Variants in NLGN1 observed in about 807,000 individuals in gnomAD.
NLGN1 encodes neuroligin 1, also known as neuroligin-1.
A neutral mutation model predicts 65.5 loss-of-function variants in NLGN1; 12 were observed. The observed-to-expected ratio is 0.18, with a 90% confidence interval of 0.12 to 0.30. NLGN1 has a LOEUF of 0.30. Ranked by LOEUF, NLGN1 falls within the 10% of genes least tolerant of loss-of-function variation. NLGN1 has a pLI of 1.00. For synonymous variants in NLGN1, 350 were observed against 359.5 expected, an observed-to-expected ratio of 0.97 and a Z score of 0.30; for missense variants, 750 against 1,007.1, an observed-to-expected ratio of 0.74 and a Z score of 3.46.
chr3:173,507,011 G>T (rs569998168), intron 2 of NLGN1, among the ~76,000 whole-genome samples: 5 of 152,022 alleles, frequency 3.3e-5, no homozygotes, highest in South Asian at 2.1e-4. Flanking sequence ...ATTCTTTTTC[G>T]TCCTTACTCT....
chr3:173,470,654 G>A (rs965879430), intron 2 of NLGN1, among the ~76,000 whole-genome samples: 1 of 152,076 alleles, frequency 6.6e-6, no homozygotes, highest in South Asian at 2.1e-4. Flanking sequence ...TTAAATGAGA[G>A]AACATTTCCA....
At chr3:173,450,860 C>A (rs1721368884) in intron 2 of NLGN1, among the ~76,000 whole-genome samples, 2 of 152,196 alleles carry the variant, frequency 1.3e-5, no homozygotes, top group Admixed American at 1.3e-4. Flanking sequence ...GCGTCGGTTA[C>A]TGAGGCTTGT....
intron 4 of NLGN1, among the ~76,000 whole-genome samples, chr3:173,867,539 A>G (rs1462567006): frequency 6.6e-6 from 1 of 152,158 alleles, no homozygotes; most frequent in East Asian, 1.9e-4. Flanking sequence ...CATAAGTCAA[A>G]TAACTATACC....
At chr3:174,260,825 G>A (rs544802109) in intron 4 of NLGN1, among the ~76,000 whole-genome samples, 17 of 150,154 alleles carry the variant, frequency 1.1e-4, no homozygotes, top group African/African-American at 3.7e-4. Flanking sequence ...TAGGTCTAAC[G>A]TTTAAGTCTT....
At chr3:173,989,897 T>C (rs980016842) in intron 4 of NLGN1, among the ~76,000 whole-genome samples, 1 of 152,058 alleles carries the variant, frequency 6.6e-6, no homozygotes, top group African/African-American at 2.4e-5. Flanking sequence ...ATCAGAGCCA[T>C]TTTTGCACTC....
exon 7 of NLGN1, chr3:174,281,104 G>C: frequency 3.1e-6 from 5 of 1,613,312 alleles, no homozygotes; most frequent in Non-Finnish European, 4.2e-6. Flanking sequence ...CGGACCGCCT[G>C]TCCCCCAGAT....
intron 4 of NLGN1, among the ~76,000 whole-genome samples, chr3:173,977,496 TAAG>T (rs1052961935): frequency 6.6e-6 from 1 of 151,982 alleles, no homozygotes; most frequent in Non-Finnish European, 1.5e-5. Context: ...TACAATACGT[TAAG>T]GAGTTTCTTA....
intron 3 of NLGN1, among the ~76,000 whole-genome samples, chr3:173,670,795 G>C (rs2133285): frequency 6.6e-6 from 1 of 151,994 alleles, no homozygotes; most frequent in Non-Finnish European, 1.5e-5. Context: ...TTTATCATTA[G>C]TGTTGAGATT....
chr3:173,539,616 T>TATG (rs1577170856), intron 2 of NLGN1, among the ~76,000 whole-genome samples: 1 of 69,636 alleles, frequency 1.4e-5, no homozygotes, highest in East Asian at 9.7e-4. Flanking sequence ...ATGTTATATA[T>TATG]TATATATTTA....
rs370193288 is a variant in NLGN1, at chr3:174,106,980, T to TCACA, written c.647-168300_647-168297dup. ...ATTCAAATGACAATCTCTTCAAGAA[T>TCACA]CACACACACACACACACACACACAC... On this transcript the variant is annotated intron_variant, in intron 4 of 6. Transcript: ENST00000457714. Among the ~76,000 whole-genome samples the TCACA allele has an allele frequency of 3.6e-3, 403 of 113,144 alleles. 1 individual carries two copies. The highest frequency in any genetic ancestry group is 5.3e-3 in the Non-Finnish European group (284 of 53,448). The allele number at this position is 113,144 out of a possible 152,430, so 74.2% of individuals were successfully genotyped here. A position where few individuals can be genotyped will look rare whatever the true frequency, so the allele number is the denominator to read the frequency against.
intron 4 of NLGN1, among the ~76,000 whole-genome samples, chr3:174,158,425 C>G (rs1725860807): frequency 6.6e-6 from 1 of 151,690 alleles, no homozygotes; most frequent in African/African-American, 2.4e-5. Context: ...GAAGAGATAA[C>G]ATTTCTAACC....
Position 173,461,655 on chromosome 3 carries a change from T to A in NLGN1, c.-321+26577T>A, listed in dbSNP as rs373322762. On this transcript the variant is annotated intron_variant, in intron 2 of 6. Transcript: ENST00000457714. ...GACATTGTCCTATAAATACTTGTGA[T>A]TTAGTAAACAAATATTATTGAATCA... Among the ~76,000 whole-genome samples the A allele has an allele frequency of 6.6e-5, 10 of 151,774 alleles. 1 individual carries two copies. The highest frequency in any genetic ancestry group is 2.4e-4 in the African/African-American group (10 of 41,350).
chr3:173,764,127 A>T (rs949615824), intron 3 of NLGN1, among the ~76,000 whole-genome samples: 2 of 152,186 alleles, frequency 1.3e-5, no homozygotes, highest in Non-Finnish European at 2.9e-5. Context: ...TCAAACAAAC[A>T]ACAAAAGCTC....
At chr3:174,005,103 G>A (rs1172175488) in intron 4 of NLGN1, among the ~76,000 whole-genome samples, 1 of 152,076 alleles carries the variant, frequency 6.6e-6, no homozygotes, top group Non-Finnish European at 1.5e-5. Context: ...ATTTATTAAT[G>A]TGACTTTGCC....
At chr3:174,056,511 C>T (rs561501003) in intron 4 of NLGN1, among the ~76,000 whole-genome samples, 5 of 151,990 alleles carry the variant, frequency 3.3e-5, no homozygotes, top group South Asian at 2.1e-4. Context: ...CCTTAAAAAA[C>T]GAGTAAGCTT....
chr3:174,266,939 G>A (rs999502164), intron 4 of NLGN1, among the ~76,000 whole-genome samples: 7 of 151,756 alleles, frequency 4.6e-5, no homozygotes, highest in Admixed American at 6.6e-5. Context: ...TAAAGAAAAC[G>A]TCAAATTTGT....
intron 4 of NLGN1, among the ~76,000 whole-genome samples, chr3:174,101,246 A>G (rs1295917732): frequency 1.3e-5 from 2 of 152,176 alleles, no homozygotes; most frequent in Admixed American, 1.3e-4. Context: ...AAAATGTTAA[A>G]GAGTTACTTC....
intron 3 of NLGN1, among the ~76,000 whole-genome samples, chr3:173,606,215 T>C (rs1234965975): frequency 6.6e-6 from 1 of 152,074 alleles, no homozygotes; most frequent in Non-Finnish European, 1.5e-5. Flanking sequence ...ACTTTAACAT[T>C]TTTATATTTA....
intron 5 of NLGN1, 26 bp downstream of exon 5, chr3:174,275,553 A>G (rs1342315989): frequency 8.4e-6 from 13 of 1,544,034 alleles, no homozygotes; most frequent in Non-Finnish European, 1.2e-5. Context: ...GCAAATTTTG[A>G]CAATTTTGGT....
Sources: allele counts gnomAD v4.1 joint callset (sites outside exome capture counted in the v4.1 genomes callset), GRCh38; gene constraint gnomAD v4.1.1; transcripts MANE v1.5; gene names NCBI Gene and HGNC (gene_info 2026-07-23, HGNC 2026-07-21).